Variants in PARL observed in about 807,000 individuals in gnomAD.
PARL encodes the protein presenilin associated rhomboid like.
A neutral mutation model predicts 51.6 loss-of-function variants in PARL; 44 were observed. The ratio of observed to expected loss-of-function variants is 0.85; its 90% CI spans 0.67 to 1.10. The LOEUF (loss-of-function observed/expected upper bound fraction) is 1.10, where lower values mean the gene tolerates loss of function less well. Among genes scored for constraint, PARL ranks in the 50% least tolerant of loss-of-function variants. PARL has a pLI of 0.00. For missense variants in PARL, 441 were observed against 469.5 expected (o/e 0.94, Z 0.56); for synonymous variants, 172 against 164.0 (o/e 1.05, Z -0.37).
chr3:183,875,074 C>T (rs1463480245), intron 1 of PARL, among the ~76,000 whole-genome samples: 6 of 152,034 alleles, frequency 3.9e-5, no homozygotes, highest in African/African-American at 1.4e-4. Context: ...TCTGTATCAA[C>T]AACAGCAAAA....
chr3:183,867,802 A>G, intron 2 of PARL, 63 bp downstream of exon 2: 1 of 1,232,756 alleles, frequency 8.1e-7, no homozygotes, highest in Non-Finnish European at 1.2e-6. Flanking sequence ...CCCAAATGGG[A>G]CAAAGTACTT....
intron 7 of PARL, among the ~76,000 whole-genome samples, chr3:183,834,476 A>G (rs1435924180): frequency 6.6e-6 from 1 of 152,210 alleles, no homozygotes; most frequent in Non-Finnish European, 1.5e-5. Flanking sequence ...AATTATACAG[A>G]GTAAATGAGG....
At chr3:183,858,679 C>A (rs1168944225) in intron 4 of PARL, among the ~76,000 whole-genome samples, 1 of 152,134 alleles carries the variant, frequency 6.6e-6, no homozygotes, top group Non-Finnish European at 1.5e-5. Flanking sequence ...AATATTCTCT[C>A]TGGGGGTTGC....
At chr3:183,866,262 T>C (rs1180627793) in intron 3 of PARL, among the ~76,000 whole-genome samples, 1 of 152,224 alleles carries the variant, frequency 6.6e-6, no homozygotes, top group Non-Finnish European at 1.5e-5. Context: ...ACCAGATATA[T>C]AAAACAGTAA....
chr3:183,832,719 T>C (rs924311558), intron 9 of PARL, among the ~76,000 whole-genome samples: 2 of 152,186 alleles, frequency 1.3e-5, no homozygotes, highest in African/African-American at 4.8e-5. Context: ...CAGTTACTAC[T>C]AAGCACTAGT....
chr3:183,867,944 G>A lies in PARL; in HGVS notation c.242C>T (p.Pro81Leu), dbSNP rs761635022. 9.9e-6 allele frequency: 16 copies of A among 1,613,622 alleles called. No homozygotes were observed. The highest frequency in any genetic ancestry group is 1.4e-5 in the Non-Finnish European group (16 of 1,179,656). Residue 81 changes from proline to leucine, a missense_variant, in exon 2 of 10, where the codon CCT (proline) becomes CTT (leucine). Pro to Leu is a moderately conservative substitution (Grantham distance 98, BLOSUM62 -3). Transcript: ENST00000317096. ...GEAYKRSALIPPVEETVFYPS... is the reference protein window; with the variant it reads ...GEAYKRSALILPVEETVFYPS... ...ATAAAAGACTGTTTCTTCCACAGGAGGAATCAAAGCACTTCTCTTGTATGC... is the reference window on the plus strand; with the variant it reads ...ATAAAAGACTGTTTCTTCCACAGGAAGAATCAAAGCACTTCTCTTGTATGC...
chr3:183,836,449 T>C (rs1728604846), intron 7 of PARL, among the ~76,000 whole-genome samples: 1 of 152,222 alleles, frequency 6.6e-6, no homozygotes, highest in African/African-American at 2.4e-5. Flanking sequence ...TTTATATGTC[T>C]GAATAAATCA....
At chr3:183,877,600 GC>G (rs1733994386) in intron 1 of PARL, among the ~76,000 whole-genome samples, 1 of 151,954 alleles carries the variant, frequency 6.6e-6, no homozygotes, top group Non-Finnish European at 1.5e-5. Flanking sequence ...AATTGCCACC[GC>G]TACCCCAACC....
intron 4 of PARL, among the ~76,000 whole-genome samples, chr3:183,854,166 T>C (rs1730869569): frequency 6.6e-6 from 1 of 152,052 alleles, no homozygotes; most frequent in Admixed American, 6.6e-5. Flanking sequence ...TGCCTGAACC[T>C]GGGAGGTAGA....
rs575064659 is a variant in PARL at position 183,871,785 on chromosome 3, T to C, written c.126-3725A>G. 3.6e-4 allele frequency among the ~76,000 whole-genome samples: 55 copies of C among 152,268 alleles called. 1 individual carries two copies. The South Asian group carries it at 9.7e-3, about 27-fold the overall frequency. ...GATGACGGCCATCTTTATCTTGATTTAGGTGATAGTCACACAGGTGTATAC... is the reference window on the plus strand; with the variant it reads ...GATGACGGCCATCTTTATCTTGATTCAGGTGATAGTCACACAGGTGTATAC... On this transcript the variant is annotated intron_variant, in intron 1 of 9. Transcript: ENST00000317096.
intron 4 of PARL, among the ~76,000 whole-genome samples, chr3:183,850,618 T>C (rs928367443): frequency 6.6e-6 from 1 of 152,112 alleles, no homozygotes; most frequent in African/African-American, 2.4e-5. Context: ...CTCAAACTCT[T>C]TCAAAAAATA....
At chr3:183,876,275 G>A (rs1040954385) in intron 1 of PARL, among the ~76,000 whole-genome samples, 1 of 152,128 alleles carries the variant, frequency 6.6e-6, no homozygotes, top group Non-Finnish European at 1.5e-5. Flanking sequence ...TTGAACTCCT[G>A]ATCTCAGGCG....
intron 7 of PARL, among the ~76,000 whole-genome samples, chr3:183,836,016 G>A (rs913808404): frequency 1.3e-5 from 2 of 151,780 alleles, no homozygotes; most frequent in Non-Finnish European, 2.9e-5. Flanking sequence ...TCTGGAGTTC[G>A]AGACCAGCCT....
At chr3:183,882,222 A>ATATATATATATATATATATATTT (rs1553906018) in intron 1 of PARL, among the ~76,000 whole-genome samples, 17 of 46,106 alleles carry the variant, frequency 3.7e-4, no homozygotes, top group Admixed American at 3.5e-4. Flanking sequence ...AAAAAAAAAA[A>ATATATATATATATATATATATTT]ATATATATAT....
chr3:183,880,565 C>T (rs1056497643), intron 1 of PARL, among the ~76,000 whole-genome samples: 1 of 152,020 alleles, frequency 6.6e-6, no homozygotes, highest in Non-Finnish European at 1.5e-5. Context: ...CCACACCTGG[C>T]TAATTTTTGT....
intron 9 of PARL, among the ~76,000 whole-genome samples, chr3:183,832,046 T>TAA (rs1200118286): frequency 3.9e-5 from 6 of 152,166 alleles, no homozygotes; most frequent in African/African-American, 1.4e-4. Flanking sequence ...CCCCTTCATG[T>TAA]TTCTCATACT....
chr3:183,836,643 G>T (rs2108593850), intron 7 of PARL, among the ~76,000 whole-genome samples: 1 of 152,274 alleles, frequency 6.6e-6, no homozygotes, highest in East Asian at 1.9e-4. Flanking sequence ...AGAGGTGTGG[G>T]TCCATGGGAA....
chr3:183,829,779 G>C, intron 9 of PARL, 70 bp from the exon 10 acceptor site: 1 of 1,236,308 alleles, frequency 8.1e-7, no homozygotes, highest in East Asian at 2.3e-5. Context: ...CATGGTGACA[G>C]ATCCCAAGTT....
chr3:183,867,622 C>A (rs1309036255), intron 2 of PARL, among the ~76,000 whole-genome samples: 1 of 151,928 alleles, frequency 6.6e-6, no homozygotes, highest in Non-Finnish European at 1.5e-5. Flanking sequence ...ATGGTGTGAA[C>A]CCAGGAGGTG....
Sources: allele counts gnomAD v4.1 joint callset (sites outside exome capture counted in the v4.1 genomes callset), GRCh38; gene constraint gnomAD v4.1.1; transcripts MANE v1.5; gene names NCBI Gene and HGNC (gene_info 2026-07-23, HGNC 2026-07-21).